SLC4A4: variants seen among roughly 807,000 people sequenced by gnomAD.
The protein encoded by SLC4A4 is solute carrier family 4 member 4.
Under a neutral mutation model 111.5 loss-of-function variants are expected in SLC4A4, and 27 were observed. That is an observed-to-expected ratio of 0.24 (90% CI 0.18 to 0.33). The LOEUF (loss-of-function observed/expected upper bound fraction) is 0.33. Among genes scored for constraint, SLC4A4 ranks in the 10% least tolerant of loss-of-function variants. The probability of loss-of-function intolerance (pLI) is 1.00; values close to 1 mark genes in which losing one functional copy is unlikely to be tolerated. For missense variants in SLC4A4, 909 were observed against 1,315.5 expected, an observed-to-expected ratio of 0.69 and a Z score of 4.78; for synonymous variants, 443 against 463.4, an observed-to-expected ratio of 0.96 and a Z score of 0.57.
At chr4:71,346,918 C>A (rs1377988649) in intron 4 of SLC4A4, among the ~76,000 whole-genome samples, 1 of 152,026 alleles carries the variant, frequency 6.6e-6, no homozygotes, top group Admixed American at 6.6e-5. Context: ...ATGACATCAT[C>A]AAAATATTCA....
chr4:71,202,430 A>G (rs1211934422), intron 1 of SLC4A4, among the ~76,000 whole-genome samples: 1 of 152,146 alleles, frequency 6.6e-6, no homozygotes, highest in African/African-American at 2.4e-5. Context: ...TATGGCAACT[A>G]TGTTGTATTG....
intron 18 of SLC4A4, among the ~76,000 whole-genome samples, chr4:71,535,376 G>A (rs995392647): frequency 1.3e-5 from 2 of 152,254 alleles, no homozygotes; most frequent in East Asian, 1.9e-4. Flanking sequence ...AACTATCCAA[G>A]TAGGGAGAAC....
chr4:71,246,987 C>T (rs1195460497), intron 2 of SLC4A4, among the ~76,000 whole-genome samples: 2 of 151,872 alleles, frequency 1.3e-5, no homozygotes, highest in African/African-American at 4.8e-5. Context: ...GAATGTCGTC[C>T]CTCTTTTTCC....
intron 21 of SLC4A4, 109 bp from the exon 22 acceptor site, chr4:71,557,603 A>G (rs1578183449): frequency 1.8e-6 from 2 of 1,099,860 alleles, no homozygotes; most frequent in East Asian, 2.5e-5. Context: ...TCCTCTGAAA[A>G]GGACACTGCT....
chr4:71,177,644 A>G (rs1745140628), intron 2 of SLC4A4, among the ~76,000 whole-genome samples: 1 of 152,212 alleles, frequency 6.6e-6, no homozygotes, highest in Non-Finnish European at 1.5e-5. Flanking sequence ...CTAAATATAT[A>G]TGCACCCAAT....
rs544620278 is a variant in SLC4A4 at position 71,533,147 on chromosome 4, ATATGT to A, written c.2280+976_2280+980del. 3.0e-4 allele frequency among the ~76,000 whole-genome samples: 45 copies of A among 152,282 alleles called. No individual in the cohort carries two copies. In the East Asian group the frequency reaches 8.5e-3, roughly 29 times the overall value. ...TAACTGCTTAATGAGGAAGGGATATATATGTTATAACACACATTATTTTTTGAATT... is the reference window on the plus strand; with the variant it reads ...TAACTGCTTAATGAGGAAGGGATATATATAACACACATTATTTTTTGAATT... On this transcript the variant is annotated intron_variant, in intron 17 of 25. Coordinates refer to ENST00000264485, the MANE Select transcript of SLC4A4 (RefSeq NM_001098484.3).
intron 14 of SLC4A4, among the ~76,000 whole-genome samples, chr4:71,484,320 G>A (rs1729170648): frequency 6.6e-6 from 1 of 151,804 alleles, no homozygotes; most frequent in South Asian, 2.1e-4. Context: ...TTGCATTTAA[G>A]TATTTAATCC....
chr4:71,332,821 T>C (rs868393924), intron 3 of SLC4A4, among the ~76,000 whole-genome samples: 2 of 152,262 alleles, frequency 1.3e-5, no homozygotes, highest in African/African-American at 2.4e-5. Context: ...TCCTTCGGTA[T>C]GTCAGTTGAA....
intron 1 of SLC4A4, among the ~76,000 whole-genome samples, chr4:71,065,966 A>G (rs1434746159): frequency 6.6e-6 from 1 of 152,172 alleles, no homozygotes; most frequent in African/African-American, 2.4e-5. Flanking sequence ...GGAGTTGTAT[A>G]TGCCTTCCAT....
intron 3 of SLC4A4, among the ~76,000 whole-genome samples, chr4:71,299,833 A>G (rs1448355587): frequency 2.6e-5 from 4 of 152,142 alleles, no homozygotes; most frequent in African/African-American, 9.7e-5. Flanking sequence ...GCTGGGCTGG[A>G]GCAGCCAGCC....
At chr4:71,374,489 T>C (rs1337748959) in intron 6 of SLC4A4, among the ~76,000 whole-genome samples, 1 of 152,202 alleles carries the variant, frequency 6.6e-6, no homozygotes, top group African/African-American at 2.4e-5. Flanking sequence ...AAGAATGAGT[T>C]ACAACATTCT....
chr4:71,149,097 T>C (rs1317061220), intron 2 of SLC4A4, among the ~76,000 whole-genome samples: 1 of 152,152 alleles, frequency 6.6e-6, no homozygotes, highest in Non-Finnish European at 1.5e-5. Flanking sequence ...AGAAATTAAT[T>C]TTCTAAGGTC....
intron 16 of SLC4A4, among the ~76,000 whole-genome samples, chr4:71,522,747 G>A (rs1333972040): frequency 1.3e-5 from 2 of 152,036 alleles, no homozygotes; most frequent in African/African-American, 4.8e-5. Flanking sequence ...ATACTTCCTT[G>A]TTGTTATTGT....
At chr4:71,200,192 G>A (rs952657232) in intron 1 of SLC4A4, among the ~76,000 whole-genome samples, 1 of 152,168 alleles carries the variant, frequency 6.6e-6, no homozygotes, top group African/African-American at 2.4e-5. Context: ...GTGGAATCAA[G>A]GAAGAGGAAA....
At chr4:71,567,530 C>G (rs998884833) in intron 25 of SLC4A4, among the ~76,000 whole-genome samples, 1 of 151,680 alleles carries the variant, frequency 6.6e-6, no homozygotes, top group Non-Finnish European at 1.5e-5. Flanking sequence ...CTGGTAGTAC[C>G]TCTTTTCCTT....
intron 20 of SLC4A4, among the ~76,000 whole-genome samples, chr4:71,553,380 G>C (rs1300488818): frequency 2.0e-5 from 3 of 151,810 alleles, no homozygotes. Flanking sequence ...TTTGACATTA[G>C]AACCACATTA....
At chr4:71,106,896 A>T (rs1469901277) in intron 2 of SLC4A4, among the ~76,000 whole-genome samples, 1 of 150,300 alleles carries the variant, frequency 6.7e-6, no homozygotes, top group African/African-American at 2.5e-5. Context: ...CACAGTGTGC[A>T]CATGTACCCT....
At chr4:71,079,986 G>A (rs1417370187) in intron 1 of SLC4A4, among the ~76,000 whole-genome samples, 1 of 151,984 alleles carries the variant, frequency 6.6e-6, no homozygotes, top group Non-Finnish European at 1.5e-5. Flanking sequence ...TCTCCTGCCC[G>A]TGTGCTGCCA....
chr4:71,547,747 C>G, intron 20 of SLC4A4, 27 bp downstream of exon 20: 1 of 1,555,592 alleles, frequency 6.4e-7, no homozygotes. Context: ...TTCACCTCTT[C>G]CTTCTCAGAA....
Sources: gnomAD v4.1 joint callset for allele counts (sites outside exome capture counted in the v4.1 genomes callset) on GRCh38, gnomAD v4.1.1 for gene constraint, MANE v1.5 for transcripts, NCBI Gene and HGNC (gene_info 2026-07-23, HGNC 2026-07-21) for gene names.